The following CDH18 variants were observed in gnomAD, a reference collection of about 807,000 sequenced individuals.
The protein encoded by CDH18 is cadherin 18, also known as cadherin-18.
Under a neutral mutation model 67.9 loss-of-function variants are expected in CDH18, and 31 were observed. That is an observed-to-expected ratio of 0.46 (90% CI 0.34 to 0.62). The LOEUF is 0.62. CDH18 is among the 20% of genes least tolerant of loss of function. CDH18 has a pLI of 0.01. For missense variants in CDH18, 890 were observed against 975.5 expected (o/e 0.91, Z 1.17); for synonymous variants, 362 against 347.2 (o/e 1.04, Z -0.48).
chr5:19,495,020 G>A (rs1215212760), intron 11 of CDH18, among the ~76,000 whole-genome samples: 2 of 152,124 alleles, frequency 1.3e-5, no homozygotes, highest in African/African-American at 4.8e-5. Context: ...TTCGTACTGT[G>A]AGAACATAAT....
At chr5:19,658,509 T>C (rs1756717604) in intron 5 of CDH18, among the ~76,000 whole-genome samples, 1 of 152,118 alleles carries the variant, frequency 6.6e-6, no homozygotes, top group Non-Finnish European at 1.5e-5. Context: ...TCAAAGTGTG[T>C]GTGAAACTGT....
intron 3 of CDH18, among the ~76,000 whole-genome samples, chr5:19,749,581 T>C (rs1236932119): frequency 6.6e-6 from 1 of 150,796 alleles, no homozygotes; most frequent in Admixed American, 6.6e-5. Flanking sequence ...TACAGTTAGG[T>C]TCTTATTACA....
chr5:20,266,998 C>A (rs1745092215), intron 1 of CDH18, among the ~76,000 whole-genome samples: 1 of 152,106 alleles, frequency 6.6e-6, no homozygotes, highest in African/African-American at 2.4e-5. Context: ...AGCCAGTCTA[C>A]TGAATGTATA....
chr5:19,750,535 G>A (rs1407841424), intron 3 of CDH18, among the ~76,000 whole-genome samples: 1 of 152,010 alleles, frequency 6.6e-6, no homozygotes, highest in South Asian at 2.1e-4. Context: ...TGTCATCTCT[G>A]AGTGGGGTCA....
At chr5:19,473,808 G>A (rs770303) in intron 12 of CDH18, 92 bp from the exon 13 acceptor site, 373,874 of 1,080,906 alleles carry the variant, frequency 0.35, 65,010 homozygotes, top group African/African-American at 0.38. Context: ...TTTCCCATTC[G>A]TCATTAACCA....
At chr5:20,234,735 A>G (rs555084637) in intron 2 of CDH18, among the ~76,000 whole-genome samples, 2 of 152,310 alleles carry the variant, frequency 1.3e-5, no homozygotes, top group East Asian at 3.9e-4. Flanking sequence ...TTAAAAAAAA[A>G]TTCTGTAGAG....
At chr5:19,979,889 GA>G (rs1798867541) in intron 2 of CDH18, among the ~76,000 whole-genome samples, 4 of 152,030 alleles carry the variant, frequency 2.6e-5, no homozygotes, top group Non-Finnish European at 4.4e-5. Context: ...TTCCCTCTGA[GA>G]ACTGCAACAA....
At chr5:20,406,476 A>G (rs182260252) in intron 1 of CDH18, among the ~76,000 whole-genome samples, 4 of 152,076 alleles carry the variant, frequency 2.6e-5, no homozygotes, top group Non-Finnish European at 4.4e-5. Context: ...TACCTAATGT[A>G]AATGACGAGT....
chr5:19,804,533 A>G (rs925939628), intron 3 of CDH18, among the ~76,000 whole-genome samples: 23 of 152,236 alleles, frequency 1.5e-4, no homozygotes, highest in African/African-American at 5.3e-4. Flanking sequence ...TGTATCTCTG[A>G]TTCTACCTGT....
intron 1 of CDH18, among the ~76,000 whole-genome samples, chr5:20,485,110 T>C (rs1425903062): frequency 1.3e-5 from 2 of 152,126 alleles, no homozygotes; most frequent in African/African-American, 4.8e-5. Flanking sequence ...GTGGAGCAGT[T>C]AGAAGAAAAC....
At chr5:20,529,724 T>C (rs1435981922) in intron 1 of CDH18, among the ~76,000 whole-genome samples, 1 of 152,030 alleles carries the variant, frequency 6.6e-6, no homozygotes, top group African/African-American at 2.4e-5. Context: ...ACCTAGGTAT[T>C]GAAGGAACAT....
intron 7 of CDH18, among the ~76,000 whole-genome samples, chr5:19,581,139 A>G (rs1743186883): frequency 6.6e-6 from 1 of 151,880 alleles, no homozygotes; most frequent in African/African-American, 2.4e-5. Context: ...TTACTTCCCC[A>G]GGCAATTGGG....
In CDH18 at chr5:19,512,069, AG is replaced by A. The variant is rs1266211440; in HGVS notation, c.1512+8587del. On this transcript the variant is annotated intron_variant, in intron 10 of 12. Coordinates refer to ENST00000382275, the MANE Select transcript of CDH18 (RefSeq NM_004934.5). ...GCCCTGCATCCAAGTCATAGCTAAA[AG>A]GGGCCAATACACAGCTCAGCCCATT... 7.2e-5 allele frequency among the ~76,000 whole-genome samples: 11 copies of A among 152,232 alleles called. No individual in the cohort carries two copies. The East Asian group carries it at 2.1e-3, about 30-fold the overall frequency.
At chr5:20,056,779 G>T (rs548837001) in intron 2 of CDH18, among the ~76,000 whole-genome samples, 2 of 148,690 alleles carry the variant, frequency 1.3e-5, no homozygotes, top group African/African-American at 5.0e-5. Context: ...CACCTCCCGG[G>T]TTCACGCCAT....
At chr5:20,314,252 C>T (rs1217827676) in intron 1 of CDH18, among the ~76,000 whole-genome samples, 1 of 151,924 alleles carries the variant, frequency 6.6e-6, no homozygotes, top group African/African-American at 2.4e-5. Context: ...AGCTTTGCTA[C>T]CAGGAAGGTG....
chr5:19,637,108 GT>G (rs925258509), intron 5 of CDH18, among the ~76,000 whole-genome samples: 6 of 151,822 alleles, frequency 4.0e-5, no homozygotes, highest in African/African-American at 1.2e-4. Flanking sequence ...GTAGATTTCT[GT>G]TTTTTTGTTT....
intron 1 of CDH18, among the ~76,000 whole-genome samples, chr5:20,487,010 T>G (rs1357067026): frequency 6.6e-6 from 1 of 152,180 alleles, no homozygotes; most frequent in Non-Finnish European, 1.5e-5. Flanking sequence ...CAGGAGCATC[T>G]GCAGAGCCAG....
At chr5:20,256,933 G>GTATC (rs11272126) in intron 1 of CDH18, among the ~76,000 whole-genome samples, 8,022 of 120,794 alleles carry the variant, frequency 0.066, 467 homozygotes, top group African/African-American at 0.2. Context: ...TAGCTTGGTG[G>GTATC]TATCTATCTA....
chr5:20,212,022 TA>T (rs1264752534), intron 2 of CDH18, among the ~76,000 whole-genome samples: 2 of 152,054 alleles, frequency 1.3e-5, no homozygotes, highest in Non-Finnish European at 1.5e-5. Context: ...ACAAAGAAGC[TA>T]AAAACCTTGG....
Sources: allele counts gnomAD v4.1 joint callset (sites outside exome capture counted in the v4.1 genomes callset), GRCh38; gene constraint gnomAD v4.1.1; transcripts MANE v1.5; gene names NCBI Gene and HGNC (gene_info 2026-07-23, HGNC 2026-07-21).